Variants in HERC4 observed in about 807,000 individuals in gnomAD.
The protein encoded by HERC4 is HECT and RLD domain containing E3 ubiquitin protein ligase 4.
HERC4 carries 28 observed loss-of-function variants against 124.3 expected under a neutral mutation model. That is an observed-to-expected ratio of 0.23 (90% confidence interval 0.17 to 0.31). The LOEUF is 0.31. Ranked by LOEUF, HERC4 falls within the 10% of genes least tolerant of loss-of-function variation. The probability of loss-of-function intolerance (pLI) is 1.00; values close to 1 mark genes in which losing one functional copy is unlikely to be tolerated. For missense variants in HERC4, 713 were observed against 1,229.3 expected (o/e 0.58, Z 6.28); for synonymous variants, 407 against 421.5 (o/e 0.97, Z 0.42).
At chr10:68,059,669 T>TAATA (rs1564608541) in intron 3 of HERC4, among the ~76,000 whole-genome samples, 3 of 69,460 alleles carry the variant, frequency 4.3e-5, no homozygotes, top group African/African-American at 3.3e-4. Flanking sequence ...TATTATATAT[T>TAATA]ATATTATATA....
chr10:67,935,807 A>G (rs931775979), intron 22 of HERC4, among the ~76,000 whole-genome samples: 4 of 152,188 alleles, frequency 2.6e-5, no homozygotes, highest in South Asian at 2.1e-4. Flanking sequence ...CATTTTCTAA[A>G]GGTATGTTTT....
At chr10:67,976,939 C>T (rs1318496220) in intron 15 of HERC4, among the ~76,000 whole-genome samples, 1 of 152,198 alleles carries the variant, frequency 6.6e-6, no homozygotes, top group African/African-American at 2.4e-5. Context: ...GGCTAAAGTG[C>T]TCTGGGGCCC....
intron 7 of HERC4, among the ~76,000 whole-genome samples, chr10:68,031,103 A>T (rs11591713): frequency 5.7e-4 from 87 of 152,324 alleles, no homozygotes; most frequent in Non-Finnish European, 1.0e-3. Context: ...TTTGTTAAAA[A>T]TAATGTACAC....
intron 9 of HERC4, among the ~76,000 whole-genome samples, chr10:68,004,174 T>A (rs1198158959): frequency 6.6e-6 from 1 of 152,342 alleles, no homozygotes; most frequent in Non-Finnish European, 1.5e-5. Flanking sequence ...CTTTTGCCCA[T>A]TTTTTAATGA....
chr10:67,995,422 G>C (rs2036812593), intron 9 of HERC4: 1 of 196,318 alleles, frequency 5.1e-6, no homozygotes, highest in Non-Finnish European at 1.1e-5. Context: ...ATTATTTACT[G>C]TCCTCTTGCT....
chr10:67,962,320 T>C (rs1268257472), intron 16 of HERC4, among the ~76,000 whole-genome samples: 1 of 152,120 alleles, frequency 6.6e-6, no homozygotes, highest in African/African-American at 2.4e-5. Flanking sequence ...ATTTTCTCCT[T>C]AGCTAAACAA....
intron 6 of HERC4, among the ~76,000 whole-genome samples, chr10:68,033,566 C>G (rs1258923092): frequency 6.6e-6 from 1 of 152,126 alleles, no homozygotes; most frequent in African/African-American, 2.4e-5. Context: ...TGAAGCCCAA[C>G]CAAAGATTAA....
At chr10:67,939,120 T>C (rs1022296716) in intron 21 of HERC4, among the ~76,000 whole-genome samples, 1 of 152,196 alleles carries the variant, frequency 6.6e-6, no homozygotes, top group Non-Finnish European at 1.5e-5. Context: ...AATGTTAGTA[T>C]GAAATAGAAA....
intron 9 of HERC4, among the ~76,000 whole-genome samples, chr10:68,012,201 C>T (rs1255538426): frequency 2.6e-5 from 4 of 152,136 alleles, no homozygotes; most frequent in South Asian, 2.1e-4. Flanking sequence ...AAATTCTCTC[C>T]GTATCAGCAA....
At chr10:67,946,088 A>G (rs2033303345) in intron 19 of HERC4, among the ~76,000 whole-genome samples, 1 of 151,940 alleles carries the variant, frequency 6.6e-6, no homozygotes, top group African/African-American at 2.4e-5. Context: ...CTCCATCTCT[A>G]TACAAAATAT....
chr10:68,033,415 A>G (rs889029191), intron 6 of HERC4, among the ~76,000 whole-genome samples: 3 of 152,224 alleles, frequency 2.0e-5, no homozygotes, highest in Admixed American at 1.3e-4. Context: ...ATACTGAACT[A>G]TAAGAAATTA....
chr10:68,014,389 C>A (rs542044875), intron 8 of HERC4, among the ~76,000 whole-genome samples: 59 of 152,228 alleles, frequency 3.9e-4, no homozygotes, highest in African/African-American at 1.4e-3. Flanking sequence ...ACAGGCTGCA[C>A]GAGCATGGTC....
At chr10:68,054,229 T>C (rs966586689) in intron 3 of HERC4, among the ~76,000 whole-genome samples, 3 of 152,192 alleles carry the variant, frequency 2.0e-5, no homozygotes, top group Non-Finnish European at 4.4e-5. Flanking sequence ...CTTACACATG[T>C]ATGCAGAGAA....
chr10:68,032,650 C>T, intron 7 of HERC4, 128 bp downstream of exon 7: 1 of 560,076 alleles, frequency 1.8e-6, no homozygotes, highest in Non-Finnish European at 3.2e-6. Flanking sequence ...AGTCTTTTTT[C>T]CCAGATAAAT....
At chr10:68,035,100 T>A (rs925599395) in intron 5 of HERC4, among the ~76,000 whole-genome samples, 1 of 151,902 alleles carries the variant, frequency 6.6e-6, no homozygotes, top group Non-Finnish European at 1.5e-5. Flanking sequence ...CACTTAAAAG[T>A]AAGCTTCCTT....
chr10:67,932,520 A>C, intron 23 of HERC4, 77 bp downstream of exon 23: 2 of 1,292,500 alleles, frequency 1.5e-6, no homozygotes. Context: ...ATAAAATAAA[A>C]AATAATACAT....
At chr10:67,975,430 G>GTC (rs1327591416) in intron 15 of HERC4, among the ~76,000 whole-genome samples, 1 of 151,902 alleles carries the variant, frequency 6.6e-6, no homozygotes, top group Non-Finnish European at 1.5e-5. Flanking sequence ...GTCTTGCTCT[G>GTC]TTGACACCTC....
Position 67,965,568 on chromosome 10 carries a change from A to G in HERC4, c.1926+1115T>C, listed in dbSNP as rs1287803818. Reference sequence around the variant, plus strand: ...GGGAAGGAAAAGATGTCTAGAAGCAACCTGATTCCGGAAGGTGGGAGTATC... The same window carrying G: ...GGGAAGGAAAAGATGTCTAGAAGCAGCCTGATTCCGGAAGGTGGGAGTATC... On this transcript the variant is annotated intron_variant, in intron 16 of 24. Coordinates refer to ENST00000373700, the MANE Select transcript of HERC4 (RefSeq NM_015601.4). 4.6e-5 allele frequency: 7 copies of G among 152,338 alleles called. No homozygotes were observed. The East Asian group carries it at 1.4e-3, about 29-fold the overall frequency. 9.4% of individuals were successfully genotyped at this position (152,338 alleles called of 1,614,324 possible).
At chr10:67,923,349 T>C (rs1217233138) in intron 24 of HERC4, among the ~76,000 whole-genome samples, 1 of 152,214 alleles carries the variant, frequency 6.6e-6, no homozygotes, top group Non-Finnish European at 1.5e-5. Flanking sequence ...ATAATCTTAA[T>C]ACTGGCACAA....
Sources: allele counts gnomAD v4.1 joint callset (sites outside exome capture counted in the v4.1 genomes callset), GRCh38; gene constraint gnomAD v4.1.1; transcripts MANE v1.5; gene names NCBI Gene and HGNC (gene_info 2026-07-23, HGNC 2026-07-21).